PBRM1: variants seen among roughly 807,000 people sequenced by gnomAD.
The protein encoded by PBRM1 is polybromo 1, also known as protein polybromo-1.
Under a neutral mutation model 194.5 loss-of-function variants are expected in PBRM1, and 27 were observed. The ratio of observed to expected loss-of-function variants is 0.14; its 90% confidence interval spans 0.10 to 0.19. PBRM1 has a LOEUF of 0.19. Among genes scored for constraint, PBRM1 ranks in the 10% least tolerant of loss-of-function variants. The probability of loss-of-function intolerance (pLI) is 1.00; values close to 1 mark genes in which losing one functional copy is unlikely to be tolerated. For synonymous variants in PBRM1, 655 were observed against 693.2 expected (o/e 0.94, Z 0.87); for missense variants, 1,466 against 2,077.2 (o/e 0.71, Z 5.72).
intron 4 of PBRM1, among the ~76,000 whole-genome samples, chr3:52,660,503 C>T (rs2096700840): frequency 6.6e-6 from 1 of 150,960 alleles, no homozygotes; most frequent in African/African-American, 2.4e-5. Context: ...TTGTGTATAT[C>T]TATCTATCTA....
chr3:52,561,995 C>A (rs1285735450), intron 24 of PBRM1, 27 bp from the exon 27 acceptor site: 1 of 1,563,500 alleles, frequency 6.4e-7, no homozygotes, highest in East Asian at 2.2e-5. Context: ...TCTTATGGTG[C>A]ATCAAAACAT....
rs2093746411 is a variant in PBRM1 at position 52,598,651 on chromosome 3, A to G, written c.2779+4870T>C. On this transcript the variant is annotated intron_variant, in intron 17 of 29. Transcript: ENST00000296302. Reference sequence around the variant, plus strand: ...GCAATCCCAGCACTTTGGGAATCTCAGGAGGGGGGATCCCTTGAGCCCAGG... The same window carrying G: ...GCAATCCCAGCACTTTGGGAATCTCGGGAGGGGGGATCCCTTGAGCCCAGG... 2.6e-5 allele frequency among the ~76,000 whole-genome samples: 4 copies of G among 152,228 alleles called. No homozygotes were observed. The South Asian group carries it at 8.3e-4, about 32-fold the overall frequency.
At chr3:52,671,520 C>T (rs78696165) in intron 2 of PBRM1, among the ~76,000 whole-genome samples, 165 of 152,316 alleles carry the variant, frequency 1.1e-3, no homozygotes, top group African/African-American at 3.7e-3. Flanking sequence ...GGAGTCAGAA[C>T]GACTTTAGTC....
intron 10 of PBRM1, among the ~76,000 whole-genome samples, chr3:52,639,113 T>G (rs1034779082): frequency 1.3e-5 from 2 of 151,634 alleles, no homozygotes; most frequent in African/African-American, 2.4e-5. Context: ...GCCTCCCAAG[T>G]ACCTGGGATT....
intron 21 of PBRM1, among the ~76,000 whole-genome samples, chr3:52,578,046 G>C (rs1023809192): frequency 6.6e-6 from 1 of 152,036 alleles, no homozygotes; most frequent in Admixed American, 6.6e-5. Flanking sequence ...TTTCTCCTCA[G>C]GTGTTTATAC....
intron 17 of PBRM1, among the ~76,000 whole-genome samples, chr3:52,598,577 G>C (rs1560216505): frequency 6.6e-6 from 1 of 152,118 alleles, no homozygotes; most frequent in East Asian, 1.9e-4. Flanking sequence ...CCACTTTTTG[G>C]GCTTTTGTTA....
chr3:52,601,461 A>T (rs2093986168), intron 17 of PBRM1, among the ~76,000 whole-genome samples: 2 of 152,182 alleles, frequency 1.3e-5, no homozygotes, highest in Non-Finnish European at 2.9e-5. Context: ...ACAGTCCACA[A>T]TAGGGTTCAT....
chr3:52,586,255 T>C (rs2092375137), intron 20 of PBRM1, 170 bp downstream of exon 22: 2 of 598,764 alleles, frequency 3.3e-6, no homozygotes, highest in South Asian at 4.6e-5. Flanking sequence ...TAAATTATAA[T>C]GTACAGTTTT....
At chr3:52,566,220 T>A (rs2085175167) in intron 22 of PBRM1, among the ~76,000 whole-genome samples, 1 of 150,718 alleles carries the variant, frequency 6.6e-6, no homozygotes, top group Admixed American at 6.6e-5. Context: ...GTGAAGAAAA[T>A]GGAACCCTTG....
chr3:52,589,149 A>G, exon 18 of PBRM1: 1 of 1,613,184 alleles, frequency 6.2e-7, no homozygotes, highest in Non-Finnish European at 8.5e-7. Context: ...CATAGACGTA[A>G]TCTCCAACAT....
intron 18 of PBRM1, among the ~76,000 whole-genome samples, 156 bp from the exon 21 acceptor site, chr3:52,587,666 T>G (rs1036144988): frequency 2.0e-5 from 3 of 149,156 alleles, no homozygotes; most frequent in Non-Finnish European, 4.4e-5. Context: ...AACCTCAGCC[T>G]CCTGAGTAGC....
chr3:52,557,486 C>T (rs1395243110), intron 26 of PBRM1, among the ~76,000 whole-genome samples: 4 of 152,058 alleles, frequency 2.6e-5, no homozygotes, highest in African/African-American at 7.2e-5. Flanking sequence ...AGAAGGGGCC[C>T]GAGAAGTGGT....
intron 16 of PBRM1, among the ~76,000 whole-genome samples, chr3:52,607,058 A>G (rs962065483): frequency 2.0e-5 from 3 of 152,180 alleles, no homozygotes; most frequent in Non-Finnish European, 4.4e-5. Flanking sequence ...TCAACATGGA[A>G]ATCTACGGTA....
intron 4 of PBRM1, 89 bp from the exon 6 acceptor site, chr3:52,658,404 A>C: frequency 1.5e-6 from 1 of 676,700 alleles, no homozygotes; most frequent in Non-Finnish European, 2.5e-6. Flanking sequence ...GCTAATTCAA[A>C]ACAGCAACTT....
chr3:52,662,253 G>A (rs763677535), exon 4 of PBRM1: 21 of 1,612,622 alleles, frequency 1.3e-5, no homozygotes, highest in Middle Eastern at 1.6e-4. Flanking sequence ...GTTTGCAAGC[G>A]GCTTTATATT....
chr3:52,610,903 C>A (rs921430320), intron 15 of PBRM1, among the ~76,000 whole-genome samples: 1 of 152,282 alleles, frequency 6.6e-6, no homozygotes, highest in African/African-American at 2.4e-5. Context: ...CAAGCCATTA[C>A]ACTCTAGCCT....
chr3:52,629,613 C>G (rs1171861395), intron 11 of PBRM1, among the ~76,000 whole-genome samples: 2 of 152,180 alleles, frequency 1.3e-5, no homozygotes, highest in African/African-American at 4.8e-5. Context: ...AATAACTTGG[C>G]AGCTTAAAGC....
chr3:52,667,065 T>C (rs1051755684), intron 3 of PBRM1, among the ~76,000 whole-genome samples: 1 of 152,026 alleles, frequency 6.6e-6, no homozygotes, highest in African/African-American at 2.4e-5. Flanking sequence ...GTGTTGGTTA[T>C]ACCTGTGGGA....
At chr3:52,636,635 T>C (rs2095822989) in intron 10 of PBRM1, among the ~76,000 whole-genome samples, 1 of 151,126 alleles carries the variant, frequency 6.6e-6, no homozygotes, top group Admixed American at 6.6e-5. Flanking sequence ...CAGGTGACTG[T>C]AATCCCAGCT....
Sources: gnomAD v4.1 joint callset for allele counts (sites outside exome capture counted in the v4.1 genomes callset) on GRCh38, gnomAD v4.1.1 for gene constraint, MANE v1.5 for transcripts, NCBI Gene and HGNC (gene_info 2026-07-23, HGNC 2026-07-21) for gene names.